The following PHF21A variants were observed in gnomAD, a reference collection of about 807,000 sequenced individuals.
The protein encoded by PHF21A is PHD finger protein 21A, also known as BHC80a.
A neutral mutation model predicts 82.5 loss-of-function variants in PHF21A; 11 were observed. The ratio of observed to expected loss-of-function variants is 0.13; its 90% CI spans 0.08 to 0.22. PHF21A has a LOEUF of 0.22. Ranked by LOEUF, PHF21A falls within the 10% of genes least tolerant of loss-of-function variation. PHF21A has a pLI of 1.00. For synonymous variants in PHF21A, 297 were observed against 302.8 expected (o/e 0.98, Z 0.20); for missense variants, 579 against 837.8 (o/e 0.69, Z 3.81).
At chr11:46,042,454 G>A (rs377098329) in intron 6 of PHF21A, among the ~76,000 whole-genome samples, 1 of 152,082 alleles carries the variant, frequency 6.6e-6, no homozygotes, top group Non-Finnish European at 1.5e-5. Flanking sequence ...CCAGGGACAC[G>A]TTATAAGACT....
At chr11:45,953,268 G>T (rs1171795467) in intron 11 of PHF21A, among the ~76,000 whole-genome samples, 1 of 152,212 alleles carries the variant, frequency 6.6e-6, no homozygotes, top group Non-Finnish European at 1.5e-5. Flanking sequence ...ACATGCATAT[G>T]AAGAATAACA....
intron 1 of PHF21A, among the ~76,000 whole-genome samples, chr11:46,115,583 G>A (rs1006662796): frequency 2.0e-5 from 3 of 151,986 alleles, no homozygotes; most frequent in Non-Finnish European, 4.4e-5. Flanking sequence ...TGATCAAAAC[G>A]TTAAAGAATT....
At chr11:46,114,086 T>TAA (rs2097257598) in intron 1 of PHF21A, among the ~76,000 whole-genome samples, 2 of 149,060 alleles carry the variant, frequency 1.3e-5, no homozygotes, top group African/African-American at 5.0e-5. Context: ...TCTAATTCCC[T>TAA]ACACACACAC....
intron 6 of PHF21A, among the ~76,000 whole-genome samples, chr11:46,062,745 T>G (rs992244423): frequency 2.0e-5 from 3 of 152,180 alleles, no homozygotes; most frequent in South Asian, 4.1e-4. Flanking sequence ...TACAATCACT[T>G]TGGAAAACAT....
chr11:46,041,589 G>A (rs1422700897), intron 6 of PHF21A, among the ~76,000 whole-genome samples: 1 of 152,072 alleles, frequency 6.6e-6, no homozygotes, highest in Non-Finnish European at 1.5e-5. Context: ...ATGTATGTCA[G>A]GATTCCAAAG....
At chr11:46,103,523 T>A (rs915653362) in intron 1 of PHF21A, among the ~76,000 whole-genome samples, 3 of 152,180 alleles carry the variant, frequency 2.0e-5, no homozygotes, top group Admixed American at 6.5e-5. Flanking sequence ...AGAAATGAGA[T>A]ACAATGTTTT....
At chr11:46,029,581 G>A (rs961120554) in intron 6 of PHF21A, among the ~76,000 whole-genome samples, 2 of 151,958 alleles carry the variant, frequency 1.3e-5, no homozygotes, top group Non-Finnish European at 2.9e-5. Context: ...CCAGCTACTT[G>A]GGAAGCTGAG....
At chr11:45,985,942 C>T (rs1423871240) in intron 6 of PHF21A, among the ~76,000 whole-genome samples, 1 of 152,050 alleles carries the variant, frequency 6.6e-6, no homozygotes. Flanking sequence ...CTGTAATTAT[C>T]AGAGATTTTT....
rs1262793461 is a variant in PHF21A at position 45,929,831 on chromosome 11, G to A, written c.*4137C>T. 6.6e-6 allele frequency: 1 copy of A among 152,206 alleles called. No homozygotes were observed. Among genetic ancestry groups the A allele is most frequent in the Non-Finnish European group, 1.5e-5 (1 of 68,056 alleles). 9.4% of individuals were successfully genotyped at this position (152,206 alleles called of 1,614,324 possible). ...GCAAGGGGCCAGAAGACTGCCCAGG[G>A]CTGCCCACTCCTGTCTTGGAGAGGA... On this transcript the variant is annotated 3_prime_UTR_variant, in exon 19 of 19. Transcript: ENST00000676320.
In PHF21A at chr11:46,043,584, C is replaced by T. The variant is rs149723916; in HGVS notation, c.153+33170G>A. On this transcript the variant is annotated intron_variant, in intron 6 of 18. Transcript: ENST00000676320. ...AAGACGAGCTCTGCCAAACTGTTCT[C>T]CATCTCTAAGGCAGTATTAACACGT... Among the ~76,000 whole-genome samples the T allele has an allele frequency of 2.8e-3, 419 of 152,124 alleles. 1 individual carries two copies. The highest frequency in any genetic ancestry group is 9.5e-3 in the African/African-American group (395 of 41,502).
intron 1 of PHF21A, among the ~76,000 whole-genome samples, chr11:46,096,288 T>TAA (rs149006078): frequency 2.2e-4 from 32 of 145,352 alleles, no homozygotes; most frequent in African/African-American, 5.8e-4. Flanking sequence ...AAATAATAAT[T>TAA]AAAAAAAAAA....
chr11:45,957,751 C>CA, intron 10 of PHF21A, among the ~76,000 whole-genome samples: 253 of 60,860 alleles, frequency 4.2e-3, no homozygotes, highest in Middle Eastern at 0.013. Context: ...AAATTCAAAG[C>CA]AAAAAAAAAA....
chr11:45,963,065 A>G (rs1565282095), intron 10 of PHF21A, among the ~76,000 whole-genome samples: 2 of 152,186 alleles, frequency 1.3e-5, no homozygotes, highest in Non-Finnish European at 2.9e-5. Flanking sequence ...AAAAAACCAA[A>G]TTACAAAATA....
intron 6 of PHF21A, among the ~76,000 whole-genome samples, chr11:46,040,890 GACACACACACACACACACACAC>G (rs35673374): frequency 2.2e-5 from 3 of 137,318 alleles, no homozygotes; most frequent in African/African-American, 2.7e-5. Context: ...CTGACAGGAA[GACACACACACACACACACACAC>G]ACACACACAC....
At chr11:45,941,377 A>G (rs980445832) in intron 15 of PHF21A, among the ~76,000 whole-genome samples, 2 of 152,226 alleles carry the variant, frequency 1.3e-5, no homozygotes, top group African/African-American at 4.8e-5. Flanking sequence ...ATATTAAAAC[A>G]TTTTTAAACT....
At chr11:45,986,616 T>C (rs1437368482) in intron 6 of PHF21A, among the ~76,000 whole-genome samples, 1 of 152,236 alleles carries the variant, frequency 6.6e-6, no homozygotes, top group African/African-American at 2.4e-5. Context: ...TCAAGTTTTC[T>C]ACATTTCTTT....
At chr11:45,990,914 G>C (rs2094849293) in intron 6 of PHF21A, among the ~76,000 whole-genome samples, 1 of 152,130 alleles carries the variant, frequency 6.6e-6, no homozygotes, top group Non-Finnish European at 1.5e-5. Context: ...GTTTAAACTA[G>C]TGTTCACTCC....
At chr11:45,963,277 G>A (rs530144173) in intron 10 of PHF21A, among the ~76,000 whole-genome samples, 8 of 151,868 alleles carry the variant, frequency 5.3e-5, no homozygotes, top group African/African-American at 9.7e-5. Context: ...AAAATTAGCC[G>A]GGTGAGATGG....
intron 6 of PHF21A, among the ~76,000 whole-genome samples, chr11:46,001,991 T>A (rs1050271676): frequency 6.6e-6 from 1 of 152,182 alleles, no homozygotes; most frequent in African/African-American, 2.4e-5. Context: ...GGCAAGACGA[T>A]GCCATTTCTA....
Sources: allele counts gnomAD v4.1 joint callset (sites outside exome capture counted in the v4.1 genomes callset), GRCh38; gene constraint gnomAD v4.1.1; transcripts MANE v1.5; gene names NCBI Gene and HGNC (gene_info 2026-07-23, HGNC 2026-07-21).